CCDC178: variants seen among roughly 807,000 people sequenced by gnomAD.
CCDC178 encodes the protein coiled-coil domain-containing protein 178.
A neutral mutation model predicts 117.4 loss-of-function variants in CCDC178; 126 were observed. The ratio of observed to expected loss-of-function variants is 1.07; its 90% CI spans 0.93 to 1.24. The LOEUF (loss-of-function observed/expected upper bound fraction) is 1.24. Among genes scored for constraint, CCDC178 ranks in the 50% most tolerant of loss-of-function variants. CCDC178 has a pLI of 0.00. For missense variants in CCDC178, 1,030 were observed against 986.9 expected, an observed-to-expected ratio of 1.04 and a Z score of -0.59; for synonymous variants, 283 against 313.4, an observed-to-expected ratio of 0.90 and a Z score of 1.02.
chr18:32,938,253 G>A, intron 22 of CCDC178, 162 bp from the exon 23 acceptor site: 19 of 556,238 alleles, frequency 3.4e-5, no homozygotes, highest in South Asian at 1.5e-4. Flanking sequence ...TAAACCCCAA[G>A]GAAGAGTGAT....
intron 10 of CCDC178, among the ~76,000 whole-genome samples, chr18:33,327,294 G>A (rs1049008250): frequency 6.6e-6 from 1 of 151,668 alleles, no homozygotes; most frequent in Non-Finnish European, 1.5e-5. Flanking sequence ...TTCTTTTTAC[G>A]GCTTAATAAT....
intron 21 of CCDC178, among the ~76,000 whole-genome samples, chr18:32,991,421 T>C (rs1254810628): frequency 2.0e-5 from 3 of 152,174 alleles, no homozygotes; most frequent in Admixed American, 6.5e-5. Context: ...TTCAAGCAAG[T>C]ATTCAATTAT....
chr18:33,051,373 T>C (rs533301608), intron 21 of CCDC178, among the ~76,000 whole-genome samples: 1 of 152,322 alleles, frequency 6.6e-6, no homozygotes, highest in South Asian at 2.1e-4. Context: ...GAAACTCTTC[T>C]GATTTAGGAT....
chr18:33,271,685 T>C (rs567082270), intron 12 of CCDC178, among the ~76,000 whole-genome samples: 20 of 151,642 alleles, frequency 1.3e-4, no homozygotes, highest in African/African-American at 4.3e-4. Context: ...ACTTTGATAC[T>C]GCATGACTGA....
At chr18:33,401,820 G>A (rs1374901733) in intron 3 of CCDC178, among the ~76,000 whole-genome samples, 1 of 151,874 alleles carries the variant, frequency 6.6e-6, no homozygotes, top group Non-Finnish European at 1.5e-5. Context: ...TATATAAGTT[G>A]AAAACGTTAA....
chr18:33,045,909 A>C (rs1265453228), intron 21 of CCDC178, among the ~76,000 whole-genome samples: 1 of 152,106 alleles, frequency 6.6e-6, no homozygotes. Context: ...TCTAAAAAAA[A>C]CAAAAAAAAT....
intron 2 of CCDC178, among the ~76,000 whole-genome samples, chr18:33,434,146 G>C (rs2064257918): frequency 6.6e-6 from 1 of 152,008 alleles, no homozygotes; most frequent in Non-Finnish European, 1.5e-5. Context: ...TTCATTAAGA[G>C]AAACAGGTTT....
chr18:33,209,599 C>A (rs973198702), intron 20 of CCDC178, among the ~76,000 whole-genome samples: 23 of 151,990 alleles, frequency 1.5e-4, no homozygotes, highest in Admixed American at 9.2e-4. Context: ...GATCAGGTTT[C>A]TACGAGAAAT....
chr18:33,120,295 A>G (rs2057919633), intron 20 of CCDC178, among the ~76,000 whole-genome samples: 1 of 152,104 alleles, frequency 6.6e-6, no homozygotes, highest in East Asian at 1.9e-4. Context: ...CTCCCAATCA[A>G]CAAGCAAAAA....
chr18:33,260,836 T>C (rs1232944950), intron 14 of CCDC178, among the ~76,000 whole-genome samples: 1 of 152,150 alleles, frequency 6.6e-6, no homozygotes, highest in Non-Finnish European at 1.5e-5. Context: ...TGCTGCACTA[T>C]AGTGGCACGC....
intron 20 of CCDC178, among the ~76,000 whole-genome samples, chr18:33,129,143 T>G (rs531066195): frequency 6.6e-6 from 1 of 152,118 alleles, no homozygotes; most frequent in African/African-American, 2.4e-5. Flanking sequence ...CCATTAGATT[T>G]AAGGAATTAA....
intron 21 of CCDC178, among the ~76,000 whole-genome samples, chr18:33,043,986 G>T: frequency 6.6e-6 from 1 of 150,880 alleles, no homozygotes; most frequent in South Asian, 2.1e-4. Flanking sequence ...TTGGAATTTG[G>T]ACTCAGAATT....
intron 2 of CCDC178, among the ~76,000 whole-genome samples, chr18:33,417,761 T>G (rs2063966652): frequency 1.3e-5 from 2 of 152,066 alleles, no homozygotes. Flanking sequence ...TATAATTATT[T>G]CAAAATAAAA....
chr18:33,020,058 G>C (rs1308883309), intron 21 of CCDC178, among the ~76,000 whole-genome samples: 1 of 150,370 alleles, frequency 6.7e-6, no homozygotes, highest in Non-Finnish European at 1.5e-5. Context: ...TGATTCTCCT[G>C]TCTCAGCCTC....
At chr18:33,113,765 C>A (rs796339620) in intron 20 of CCDC178, among the ~76,000 whole-genome samples, 36 of 152,162 alleles carry the variant, frequency 2.4e-4, no homozygotes, top group African/African-American at 8.7e-4. Flanking sequence ...GGCTATTGGA[C>A]TGCATGCAAG....
At chr18:32,986,181 T>C (rs1165861274) in intron 21 of CCDC178, among the ~76,000 whole-genome samples, 7 of 152,094 alleles carry the variant, frequency 4.6e-5, no homozygotes, top group Non-Finnish European at 4.4e-5. Context: ...CAATTCTTTA[T>C]ACAAATATTT....
At chr18:33,119,970 G>A (rs1215170760) in intron 20 of CCDC178, among the ~76,000 whole-genome samples, 1 of 151,964 alleles carries the variant, frequency 6.6e-6, no homozygotes, top group Non-Finnish European at 1.5e-5. Context: ...TCACTTATAG[G>A]TGGGAACTGA....
At chr18:32,999,975 C>G (rs2055598356) in intron 21 of CCDC178, among the ~76,000 whole-genome samples, 1 of 151,980 alleles carries the variant, frequency 6.6e-6, no homozygotes, top group Non-Finnish European at 1.5e-5. Flanking sequence ...TGAAGGCCAT[C>G]CAGGAAAATA....
chr18:33,439,042 C>G (rs770004362), intron 2 of CCDC178, among the ~76,000 whole-genome samples: 5 of 152,136 alleles, frequency 3.3e-5, no homozygotes, highest in Non-Finnish European at 7.4e-5. Flanking sequence ...AACATAAATG[C>G]TCTTGGGACA....
Sources: allele counts gnomAD v4.1 joint callset (sites outside exome capture counted in the v4.1 genomes callset), GRCh38; gene constraint gnomAD v4.1.1; transcripts MANE v1.5; gene names NCBI Gene and HGNC (gene_info 2026-07-23, HGNC 2026-07-21).